OTOG: variants seen among roughly 807,000 people sequenced by gnomAD.
The protein encoded by OTOG is otogelin.
Under a neutral mutation model 313.8 loss-of-function variants are expected in OTOG, and 296 were observed. The ratio of observed to expected loss-of-function variants is 0.94; its 90% CI spans 0.86 to 1.04. OTOG has a LOEUF of 1.04. Among genes scored for constraint, OTOG ranks in the 50% least tolerant of loss-of-function variants. OTOG has a pLI of 0.00. For synonymous variants in OTOG, 1,533 were observed against 1,554.9 expected, an observed-to-expected ratio of 0.99 and a Z score of 0.33; for missense variants, 3,948 against 3,840.1, an observed-to-expected ratio of 1.03 and a Z score of -0.74.
intron 27 of OTOG, 45 bp downstream of exon 27, chr11:17,593,801 C>T: frequency 6.5e-7 from 1 of 1,538,890 alleles, no homozygotes; most frequent in Non-Finnish European, 8.8e-7. Context: ...TGGGGCTAAG[C>T]CAAGCCCTGG....
At position 17,629,501 on chromosome 11, in the gene OTOG, A is replaced by G. The variant is rs61880563; in HGVS notation, c.6712+185A>G. On this transcript the variant is annotated intron_variant, in intron 40 of 55. Transcript: ENST00000399397. ...TGGGGCCAAAGCTGCCAGTAGGGAG[A>G]TAGTAGAGGGCTCTGGACTCAGCCA... Among the ~76,000 whole-genome samples, 21,594 of 152,124 alleles carry G rather than the reference A, an allele frequency of 0.14. 1,668 individuals are homozygous for G. Among genetic ancestry groups the G allele is most frequent in the Non-Finnish European group, 0.18 (12,479 of 67,992 alleles).
chr11:17,604,434 A>G (rs1002314013), intron 32 of OTOG, among the ~76,000 whole-genome samples: 3 of 152,142 alleles, frequency 2.0e-5, no homozygotes, highest in Admixed American at 1.3e-4. Context: ...TGGGCTGCCC[A>G]TGCCCACGCC....
rs1852135378 is a variant in OTOG at position 17,559,638 on chromosome 11, G to A, written c.1318G>A (p.Val440Met). 1 of 1,550,878 alleles carries A rather than the reference G, an allele frequency of 6.4e-7. No individual in the cohort carries two copies. The highest frequency in any genetic ancestry group is 8.7e-7 in the Non-Finnish European group (1 of 1,147,062). ...ASCVDSEIAC[V>M]DGCYCPNGLI... ...CTGTGTGGACAGTGAGATCGCCTGTGTGGACGGCTGCTATTGCCCCAATGG... is the reference window on the plus strand; with the variant it reads ...CTGTGTGGACAGTGAGATCGCCTGTATGGACGGCTGCTATTGCCCCAATGG... Residue 440 changes from valine to methionine, a missense_variant, in exon 12 of 56, where the codon GTG (valine) becomes ATG (methionine). Coordinates refer to ENST00000399397, the MANE Select transcript of OTOG (RefSeq NM_001292063.2).
chr11:17,587,233 G>A (rs1852816143), intron 24 of OTOG, among the ~76,000 whole-genome samples: 1 of 152,234 alleles, frequency 6.6e-6, no homozygotes, highest in Non-Finnish European at 1.5e-5. Flanking sequence ...ATATGTGGGA[G>A]TGTGTGCCCC....
chr11:17,561,518 G>T, intron 14 of OTOG, 144 bp from the exon 15 acceptor site: 1 of 835,024 alleles, frequency 1.2e-6, no homozygotes, highest in Non-Finnish European at 1.9e-6. Flanking sequence ...CCACTGCCCA[G>T]GGCTCTCAGG....
At chr11:17,627,306 T>TAA (rs1446530457) in intron 39 of OTOG, among the ~76,000 whole-genome samples, 17 of 152,210 alleles carry the variant, frequency 1.1e-4, no homozygotes, top group Non-Finnish European at 2.4e-4. Context: ...ATACTCATTT[T>TAA]TTTTTAGGAT....
At chr11:17,595,270 C>T (rs1460235116) in intron 28 of OTOG, among the ~76,000 whole-genome samples, 1 of 152,196 alleles carries the variant, frequency 6.6e-6, no homozygotes, top group East Asian at 1.9e-4. Context: ...CCCTTGTTCT[C>T]CCCACACCCC....
intron 7 of OTOG, among the ~76,000 whole-genome samples, chr11:17,556,827 A>C (rs1852066074): frequency 6.6e-6 from 1 of 152,222 alleles, no homozygotes; most frequent in Admixed American, 6.5e-5. Context: ...CCCACCAAAA[A>C]AATAAAGCAG....
rs532069052 is a variant in OTOG at position 17,610,622 on chromosome 11, C to A, written c.5322C>A (p.Ser1774Arg). The A allele has an allele frequency of 1.5e-5, 24 of 1,550,680 alleles. No homozygotes were observed. In the African/African-American group the frequency reaches 3.0e-4, roughly 19 times the overall value. ...CCCCAGAGACCCCAGCTGCCGCCAG[C>A]CTGTCAACAGCCACTGATGGGCTGG... ...ALPPETPAAA[S>R]LSTATDGLAA... The change falls in exon 36 of 56, where the codon AGC becomes AGA. Residue 1774 changes from serine (S) to arginine (R), a missense_variant. By Grantham distance (110) the Ser-to-Arg change is moderately radical. Coordinates refer to ENST00000399397, the MANE Select transcript of OTOG (RefSeq NM_001292063.2).
intron 30 of OTOG, among the ~76,000 whole-genome samples, chr11:17,599,440 A>G (rs1485564854): frequency 6.6e-6 from 1 of 152,180 alleles, no homozygotes; most frequent in African/African-American, 2.4e-5. Flanking sequence ...TGAGGTGCCT[A>G]CTGTGTGCCA....
At chr11:17,631,038 G>C (rs560885992) in intron 40 of OTOG, among the ~76,000 whole-genome samples, 1 of 152,256 alleles carries the variant, frequency 6.6e-6, no homozygotes, top group South Asian at 2.1e-4. Flanking sequence ...AAATTCACAG[G>C]AGAGGAGACA....
At chr11:17,581,314 G>A (rs898609855) in intron 23 of OTOG, among the ~76,000 whole-genome samples, 2 of 152,154 alleles carry the variant, frequency 1.3e-5, no homozygotes, top group African/African-American at 4.8e-5. Context: ...GCAGGAGAAA[G>A]GAGAGTTTCA....
intron 18 of OTOG, among the ~76,000 whole-genome samples, 192 bp from the exon 19 acceptor site, chr11:17,572,886 G>A (rs193096073): frequency 3.1e-4 from 47 of 152,192 alleles, no homozygotes; most frequent in East Asian, 5.8e-4. Context: ...GTCAAGCCAC[G>A]TATTCACACC....
Position 17,645,551 on chromosome 11 carries a change from C to G in OTOG, c.8462-13C>G. ...GTCTTGGCCACAGCTGCCTCATCCC[C>G]CTGTCCCCCCAGGTAAGGAGGATGG... On this transcript the variant is annotated splice_polypyrimidine_tract_variant and intron_variant, in intron 54 of 55. Transcript: ENST00000399397. 1 of 1,550,028 alleles carries G rather than the reference C, an allele frequency of 6.5e-7. No homozygotes were observed. Among genetic ancestry groups the G allele is most frequent in the Non-Finnish European group, 8.7e-7 (1 of 1,146,724 alleles).
At chr11:17,558,989 A>G in intron 10 of OTOG, 63 bp from the exon 11 acceptor site, 1 of 1,296,566 alleles carries the variant, frequency 7.7e-7, no homozygotes, top group Non-Finnish European at 1.1e-6. Context: ...TGTCTATGGG[A>G]TGCTGGTGGG....
intron 15 of OTOG, among the ~76,000 whole-genome samples, chr11:17,566,721 A>G (rs1312793360): frequency 6.6e-6 from 1 of 152,244 alleles, no homozygotes; most frequent in African/African-American, 2.4e-5. Context: ...CTCTATAGGA[A>G]ATAACTTTAT....
chr11:17,587,806 CTG>C (rs1290102184), intron 24 of OTOG, among the ~76,000 whole-genome samples: 3 of 152,108 alleles, frequency 2.0e-5, no homozygotes, highest in African/African-American at 7.2e-5. Context: ...GATTTTGTGA[CTG>C]TGGTGAGCCA....
chr11:17,595,954 C>G (rs777605654), intron 28 of OTOG, 84 bp from the exon 29 acceptor site: 2 of 910,788 alleles, frequency 2.2e-6, no homozygotes, highest in Non-Finnish European at 3.5e-6. Flanking sequence ...AGGATCATGG[C>G]GGCCACCCTA....
intron 32 of OTOG, 115 bp from the exon 33 acceptor site, chr11:17,605,742 C>G: frequency 1.7e-6 from 2 of 1,189,990 alleles, no homozygotes; most frequent in Non-Finnish European, 2.3e-6. Flanking sequence ...GCCTGCTGGT[C>G]TGCAGGCGTG....
Sources: allele counts gnomAD v4.1 joint callset (sites outside exome capture counted in the v4.1 genomes callset), GRCh38; gene constraint gnomAD v4.1.1; transcripts MANE v1.5; gene names NCBI Gene and HGNC (gene_info 2026-07-23, HGNC 2026-07-21).